Variants in LDLRAD4 observed in about 807,000 individuals in gnomAD.
The protein encoded by LDLRAD4 is low density lipoprotein receptor class A domain containing 4.
Under a neutral mutation model 17.0 loss-of-function variants are expected in LDLRAD4, and 5 were observed. That is an observed-to-expected ratio of 0.29 (90% CI 0.15 to 0.62). The LOEUF (loss-of-function observed/expected upper bound fraction) is 0.62. Among genes scored for constraint, LDLRAD4 ranks in the 20% least tolerant of loss-of-function variants. LDLRAD4 has a pLI of 0.84. For missense variants in LDLRAD4, 340 were observed against 424.7 expected (o/e 0.80, Z 1.75); for synonymous variants, 168 against 171.8 (o/e 0.98, Z 0.17).
chr18:13,310,243 A>C (rs1260985711), intron 1 of LDLRAD4, among the ~76,000 whole-genome samples: 1 of 150,616 alleles, frequency 6.6e-6, no homozygotes, highest in African/African-American at 2.4e-5. Flanking sequence ...CTAGACACTT[A>C]GGAGGCTGAG....
At chr18:13,447,846 C>T (rs1456460503) in intron 3 of LDLRAD4, among the ~76,000 whole-genome samples, 5 of 152,132 alleles carry the variant, frequency 3.3e-5, no homozygotes, top group Admixed American at 6.5e-5. Flanking sequence ...TGTCTAGACG[C>T]TCTCTGCCTG....
intron 1 of LDLRAD4, among the ~76,000 whole-genome samples, chr18:13,321,631 C>T (rs1247646805): frequency 2.0e-5 from 3 of 151,890 alleles, no homozygotes; most frequent in Non-Finnish European, 4.4e-5. Flanking sequence ...TTTGGGAGGT[C>T]GAGGCGGGTG....
intron 1 of LDLRAD4, among the ~76,000 whole-genome samples, chr18:13,376,688 A>C (rs1382188002): frequency 6.6e-6 from 1 of 152,054 alleles, no homozygotes; most frequent in Non-Finnish European, 1.5e-5. Context: ...CTGCTCTATC[A>C]CACGCGGTTC....
intron 1 of LDLRAD4, among the ~76,000 whole-genome samples, chr18:13,249,843 T>C (rs999252488): frequency 6.6e-6 from 1 of 152,232 alleles, no homozygotes; most frequent in Non-Finnish European, 1.5e-5. Context: ...TCTTGAAGCA[T>C]TTCCCTGTGT....
intron 3 of LDLRAD4, among the ~76,000 whole-genome samples, chr18:13,576,386 C>T (rs1352590753): frequency 7.0e-6 from 1 of 143,876 alleles, no homozygotes; most frequent in Non-Finnish European, 1.5e-5. Context: ...TGTGCCACTG[C>T]ACTCCAGCCT....
At chr18:13,305,723 C>A (rs545136237) in intron 1 of LDLRAD4, among the ~76,000 whole-genome samples, 1 of 152,242 alleles carries the variant, frequency 6.6e-6, no homozygotes, top group South Asian at 2.1e-4. Context: ...TAAATGAAAC[C>A]AGCATAAGAA....
chr18:13,456,024 A>G (rs1421531016), intron 3 of LDLRAD4, among the ~76,000 whole-genome samples: 1 of 152,082 alleles, frequency 6.6e-6, no homozygotes, highest in Non-Finnish European at 1.5e-5. Context: ...TTGTTAGGAA[A>G]CGTGTCCTTG....
chr18:13,545,136 G>A (rs2094342969), intron 3 of LDLRAD4, among the ~76,000 whole-genome samples: 1 of 152,046 alleles, frequency 6.6e-6, no homozygotes, highest in East Asian at 1.9e-4. Context: ...TCCTCTTGAT[G>A]GCCCAGCTGA....
intron 1 of LDLRAD4, among the ~76,000 whole-genome samples, chr18:13,245,453 A>C (rs1027689901): frequency 6.6e-6 from 1 of 152,192 alleles, no homozygotes; most frequent in Non-Finnish European, 1.5e-5. Context: ...AATTGCTATG[A>C]TATGGGGCAT....
intron 3 of LDLRAD4, among the ~76,000 whole-genome samples, chr18:13,502,131 C>T (rs1043181069): frequency 6.6e-5 from 10 of 152,216 alleles, no homozygotes; most frequent in African/African-American, 1.9e-4. Context: ...CAATGAGGTA[C>T]GGAAAACCAT....
intron 2 of LDLRAD4, among the ~76,000 whole-genome samples, chr18:13,401,867 A>C (rs1000899911): frequency 1.3e-5 from 2 of 152,030 alleles, no homozygotes; most frequent in African/African-American, 4.8e-5. Context: ...AGTTATCCTC[A>C]TGCTTCCCTG....
chr18:13,306,095 G>T (rs1233510721), intron 1 of LDLRAD4, among the ~76,000 whole-genome samples: 1 of 152,096 alleles, frequency 6.6e-6, no homozygotes, highest in Non-Finnish European at 1.5e-5. Context: ...TGAGGAGAAA[G>T]AATATCTGCC....
rs186594069 is a variant in LDLRAD4, at chr18:13,238,722, C to T, written c.-467+19734C>T. Among the ~76,000 whole-genome samples the T allele has an allele frequency of 3.6e-3, 550 of 152,262 alleles. 6 individuals carry two copies. Among genetic ancestry groups the T allele is most frequent in the African/African-American group, 0.011 (470 of 41,558 alleles). On this transcript the variant is annotated intron_variant, in intron 1 of 5. Coordinates refer to the LDLRAD4 transcript ENST00000399848. The stretch of plus-strand genomic sequence containing the variant: ...GGAGAGACTCAATACCTGGGAGGGG[C>T]CTACACATAGGCAGCCTCTCCCGGG...
intron 2 of LDLRAD4, among the ~76,000 whole-genome samples, chr18:13,399,875 C>T (rs759972307): frequency 4.6e-5 from 7 of 152,180 alleles, no homozygotes; most frequent in Admixed American, 2.0e-4. Flanking sequence ...GAATGTATTC[C>T]GTGAAGATCG....
At chr18:13,324,507 C>T (rs1173438163) in intron 1 of LDLRAD4, among the ~76,000 whole-genome samples, 2 of 152,102 alleles carry the variant, frequency 1.3e-5, no homozygotes, top group Non-Finnish European at 2.9e-5. Flanking sequence ...CGAGGACCTT[C>T]TATGCGCAGA....
At chr18:13,223,076 T>C (rs1238976536) in intron 1 of LDLRAD4, among the ~76,000 whole-genome samples, 2 of 152,190 alleles carry the variant, frequency 1.3e-5, no homozygotes, top group Non-Finnish European at 2.9e-5. Context: ...GTAATGAACT[T>C]AATGGTCTTG....
In LDLRAD4 at chr18:13,612,228, C is replaced by A. The variant is rs117080938; in HGVS notation, c.182-8889C>A. 3.5e-3 allele frequency: 3,431 copies of A among 992,274 alleles called. 11 individuals are homozygous for A. Among genetic ancestry groups the A allele is most frequent in the Non-Finnish European group, 4.0e-3 (3,306 of 834,370 alleles). 61.5% of individuals were successfully genotyped at this position (992,274 alleles called of 1,614,324 possible). A position where few individuals can be genotyped will look rare whatever the true frequency, so the allele number is the denominator to read the frequency against. On this transcript the variant is annotated intron_variant, in intron 3 of 5. Coordinates refer to ENST00000359446, the Ensembl canonical transcript of LDLRAD4. ...CAGTGTGACAAGATGAGCCGTCTAG[C>A]TGCGTTCTGCTTGCCTGTGTGTGTG...
At chr18:13,242,554 T>A (rs190144822) in intron 1 of LDLRAD4, among the ~76,000 whole-genome samples, 2 of 152,188 alleles carry the variant, frequency 1.3e-5, no homozygotes, top group Non-Finnish European at 1.5e-5. Context: ...TAAAATCCCA[T>A]GTAGTCTGTA....
intron 2 of LDLRAD4, among the ~76,000 whole-genome samples, chr18:13,404,464 C>G (rs2087533334): frequency 6.6e-6 from 1 of 152,164 alleles, no homozygotes; most frequent in Non-Finnish European, 1.5e-5. Context: ...GGGTGCTGCT[C>G]CTGTGCTGGG....
Sources: allele counts gnomAD v4.1 joint callset (sites outside exome capture counted in the v4.1 genomes callset), GRCh38; gene constraint gnomAD v4.1.1; transcripts MANE v1.5; gene names NCBI Gene and HGNC (gene_info 2026-07-23, HGNC 2026-07-21).